The following TTN variants were observed in gnomAD, a reference collection of about 807,000 sequenced individuals.
The protein encoded by TTN is connectin.
TTN carries 1,525 observed loss-of-function variants against 3,223.0 expected under a neutral mutation model. The ratio of observed to expected loss-of-function variants is 0.47; its 90% confidence interval spans 0.45 to 0.49. TTN has a LOEUF of 0.49. Ranked by LOEUF, TTN falls within the 20% of genes least tolerant of loss-of-function variation. TTN has a pLI of 0.00. For synonymous variants in TTN, 14,094 were observed against 15,161.0 expected (o/e 0.93, Z 5.17); for missense variants, 40,786 against 43,424.0 (o/e 0.94, Z 5.40).
intron 33 of TTN, 98 bp downstream of exon 33, chr2:178,773,011 G>C: frequency 6.6e-7 from 1 of 1,505,266 alleles, no homozygotes; most frequent in Non-Finnish European, 9.2e-7. Context: ...CAGAGGCATG[G>C]AAGTGGGAAA....
chr2:178,779,607 A>C (rs1234308981), intron 22 of TTN, 145 bp from the exon 23 acceptor site: 7 of 628,128 alleles, frequency 1.1e-5, no homozygotes, highest in Admixed American at 3.1e-5. Flanking sequence ...TTTAATCTGC[A>C]TTATGGTCAT....
At chr2:178,680,977 A>G in intron 138 of TTN, 102 bp downstream of exon 138, 1 of 1,043,796 alleles carries the variant, frequency 9.6e-7, no homozygotes, top group Non-Finnish European at 1.4e-6. Context: ...GCTGACAACT[A>G]ATTTAAAAGA....
chr2:178,749,160 C>T, intron 47 of TTN: 1 of 1,612,368 alleles, frequency 6.2e-7, no homozygotes, highest in Non-Finnish European at 8.5e-7. Flanking sequence ...TCACTTTGGG[C>T]ACATTCTTGT....
rs1265500292 is a variant in TTN, at chr2:178,703,017, C to G, written c.30224-354G>C. Among the ~76,000 whole-genome samples the G allele has an allele frequency of 2.6e-5, 4 of 152,164 alleles. No individual in the cohort carries two copies. The South Asian group carries it at 8.3e-4, about 32-fold the overall frequency. On this transcript the variant is annotated intron_variant, in intron 106 of 362. Coordinates refer to ENST00000589042, the MANE Select transcript of TTN (RefSeq NM_001267550.2). ...ACTTGATTGTACTCTACAACTTATT[C>G]CTCTGTGAAATTCTTTCTTGCCTCA...
chr2:178,597,862 A>G (rs75731826), intron 293 of TTN, 43 bp from the exon 294 acceptor site: 1 of 1,612,452 alleles, frequency 6.2e-7, no homozygotes, highest in Admixed American at 1.7e-5. Context: ...TTCCCCTTCA[A>G]TCTGAAACAT....
At chr2:178,611,711 C>G in intron 268 of TTN, 34 bp from the exon 269 acceptor site, 1 of 1,612,032 alleles carries the variant, frequency 6.2e-7, no homozygotes. Flanking sequence ...TATCCACAGT[C>G]TCATCAAGTT....
rs141820766 is a variant in TTN, at chr2:178,667,923, A to G, written c.35546-202T>C. ...GTAAGACTCTAAGCATTTCTCTATG[A>G]TGATGATAATAAAATGGAGGAATTG... is the stretch of plus-strand genomic sequence containing the variant. On this transcript the variant is annotated intron_variant, in intron 159 of 362. Coordinates refer to ENST00000589042, the MANE Select transcript of TTN (RefSeq NM_001267550.2). Among the ~76,000 whole-genome samples the G allele has an allele frequency of 1.8e-3, 275 of 152,268 alleles. 5 individuals carry two copies. The South Asian group carries it at 0.024, about 13-fold the overall frequency.
intron 330 of TTN, chr2:178,556,578 C>A: frequency 2.2e-6 from 1 of 458,042 alleles, no homozygotes; most frequent in Non-Finnish European, 3.8e-6. Context: ...AGAATGAAAG[C>A]ACCAACTCAT....
chr2:178,637,290 A>T (rs1560000132), intron 224 of TTN, 79 bp downstream of exon 224: 5 of 1,051,648 alleles, frequency 4.8e-6, no homozygotes, highest in African/African-American at 3.4e-5. Flanking sequence ...GAATTTTGAA[A>T]TTTTTTTCCC....
intron 15 of TTN, 70 bp from the exon 16 acceptor site, chr2:178,784,421 G>A (rs2093021960): frequency 6.3e-7 from 1 of 1,576,786 alleles, no homozygotes; most frequent in African/African-American, 1.3e-5. Flanking sequence ...CTTGGACTGA[G>A]TCTGAGCCTA....
chr2:178,787,675 C>G (rs900214819), intron 13 of TTN, among the ~76,000 whole-genome samples: 1 of 152,020 alleles, frequency 6.6e-6, no homozygotes, highest in African/African-American at 2.4e-5. Flanking sequence ...TATCACACAA[C>G]TGAAATATTT....
At chr2:178,638,584 T>G (rs1479181407) in intron 223 of TTN, among the ~76,000 whole-genome samples, 1 of 151,548 alleles carries the variant, frequency 6.6e-6, no homozygotes, top group Non-Finnish European at 1.5e-5. Flanking sequence ...TCACCCTGAA[T>G]TTTTTATTTT....
At chr2:178,710,257 C>T (rs2076461476) in intron 98 of TTN, among the ~76,000 whole-genome samples, 1 of 152,130 alleles carries the variant, frequency 6.6e-6, no homozygotes, top group East Asian at 1.9e-4. Flanking sequence ...ACCAACCTGG[C>T]CAACATGGTG....
At position 178,637,146 on chromosome 2, in the gene TTN, GATATATATATATATATATATATATATAT is replaced by G. The variant is rs61216469; in HGVS notation, c.40927+195_40927+222del. ...GATTCACTATGCTAAAATATAGTTG[GATATATATATATATATATATATATATAT>G]ATATATATATATATATCTCCTTGCA... On this transcript the variant is annotated intron_variant, in intron 224 of 362. Transcript: ENST00000589042. Among the ~76,000 whole-genome samples, 37 of 49,192 alleles carry G rather than the reference GATATATATATATATATATATATATATAT, an allele frequency of 7.5e-4. 1 individual carries two copies. Among genetic ancestry groups the G allele is most frequent in the East Asian group, 4.7e-3 (7 of 1,502 alleles). The allele number at this position is 49,192 out of a possible 152,430, so 32.3% of individuals were successfully genotyped here.
Position 178,535,293 on chromosome 2 carries a change from T to A in TTN, c.101322A>T (p.Ser33774=). Residue 33774 remains serine, a synonymous_variant, in exon 358 of 363, where the codon TCA becomes TCT. Coordinates refer to ENST00000589042, the MANE Select transcript of TTN (RefSeq NM_001267550.2). ...TGGTTATGGTTGGTTCTGAAGGCTC[T>A]GAAGGCTTGCTCAGACCAAATTTAT... ...AENKFGLSKP[S]EPSEPTITKE... The A allele has an allele frequency of 1.9e-6, 3 of 1,613,934 alleles. No individual in the cohort carries two copies. Among genetic ancestry groups the A allele is most frequent in the Non-Finnish European group, 2.5e-6 (3 of 1,179,848 alleles).
At position 178,531,474 on chromosome 2, in the gene TTN, C is replaced by T. The variant is rs752897450; in HGVS notation, c.105141G>A (p.Glu35047=). The T allele has an allele frequency of 2.0e-5, 33 of 1,613,774 alleles. No individual in the cohort carries two copies. The highest frequency in any genetic ancestry group is 2.7e-5 in the Non-Finnish European group (32 of 1,179,900). The stretch of plus-strand genomic sequence containing the variant: ...GCTCAGGGAAAACAGATCTGGGGAC[C>T]TCTTCATCTCTGCGTTGGGAAGCAT... ...TTYASQRRDE[E]VPRSVFPELT... Residue 35047 remains glutamate (E), a synonymous_variant, in exon 358 of 363, where the codon GAG becomes GAA. Transcript: ENST00000589042.
In TTN at chr2:178,548,752, C is replaced by A; in HGVS notation, c.92874G>T (p.Val30958=). The stretch of plus-strand genomic sequence containing the variant: ...TAAGGTTAGAGTCTGGTTTGCTCCA[C>A]ACAGCTGTAGGAGTAGGTCTACCTT... ...AYQGRPTPTA[V]WSKPDSNLSL... is the part of the protein sequence containing the mutation. Residue 30958 remains valine (V), a synonymous_variant, in exon 339 of 363, where the codon GTG becomes GTT. Transcript: ENST00000589042. The surrounding 1 kb of genome is among the most constrained non-coding windows in gnomAD (Gnocchi z 4.3). 6.2e-7 allele frequency: 1 copy of A among 1,613,656 alleles called. No homozygotes were observed. The highest frequency in any genetic ancestry group is 8.5e-7 in the Non-Finnish European group (1 of 1,179,804).
In TTN at chr2:178,555,035, T is replaced by G; in HGVS notation, c.88424A>C (p.Tyr29475Ser). The G allele has an allele frequency of 6.2e-7, 1 of 1,613,794 alleles. No homozygotes were observed. Among genetic ancestry groups the G allele is most frequent in the South Asian group, 1.1e-5 (1 of 91,076 alleles). The part of the protein sequence containing the change: ...SGKPAPTIEW[Y>S]KDDKELQTNA... ...GGTTTGTAATTCTTTATCATCTTTA[T>G]ACCACTCAATAGTAGGCGCAGGTTT... is the stretch of plus-strand genomic sequence containing the variant. Residue 29475 changes from tyrosine to serine, a missense_variant, in exon 331 of 363, where the codon TAT (tyrosine) becomes TCT (serine). Coordinates refer to ENST00000589042, the MANE Select transcript of TTN (RefSeq NM_001267550.2).
chr2:178,551,067 A>G lies in TTN; in HGVS notation c.91464T>C (p.Pro30488=). The change falls in exon 336 of 363, where the codon CCT becomes CCC. Residue 30488 remains proline, a synonymous_variant. Transcript: ENST00000589042. ...ECQYTVTGLS[P]GDRYEFRIIA... is the part of the protein sequence containing the mutation. ...TTATTCTGAACTCATAGCGATCCCC[A>G]GGACTGAGTCCTGTAACTGTGTACT... 1 of 1,613,424 alleles carries G rather than the reference A, an allele frequency of 6.2e-7. No individual in the cohort carries two copies. Among genetic ancestry groups the G allele is most frequent in the Non-Finnish European group, 8.5e-7 (1 of 1,179,620 alleles).
Sources: gnomAD v4.1 joint callset for allele counts (sites outside exome capture counted in the v4.1 genomes callset) on GRCh38, gnomAD v4.1.1 for gene constraint, Gnocchi (gnomAD v3.1) non-coding constraint, MANE v1.5 for transcripts, NCBI Gene and HGNC (gene_info 2026-07-23, HGNC 2026-07-21) for gene names.